The following KIF26B variants were observed in gnomAD, a reference collection of about 807,000 sequenced individuals.
KIF26B encodes the protein kinesin family member 26B, also known as kinesin-like protein KIF26B.
Under a neutral mutation model 151.2 loss-of-function variants are expected in KIF26B, and 63 were observed. The observed-to-expected ratio is 0.42, with a 90% CI of 0.34 to 0.51. The LOEUF is 0.51. Ranked by LOEUF, KIF26B falls within the 20% of genes least tolerant of loss-of-function variation. The pLI is 0.07. For missense variants in KIF26B, 2,813 were observed against 2,913.6 expected (o/e 0.97, Z 0.79); for synonymous variants, 1,357 against 1,262.1 (o/e 1.08, Z -1.59).
chr1:245,221,123 G>GT (rs536152881), intron 2 of KIF26B, among the ~76,000 whole-genome samples: 25 of 151,330 alleles, frequency 1.7e-4, no homozygotes, highest in African/African-American at 5.3e-4. Flanking sequence ...TGGGAAATGA[G>GT]TTTTTTTTTC....
intron 8 of KIF26B, among the ~76,000 whole-genome samples, chr1:245,611,229 T>C (rs2043517984): frequency 6.6e-6 from 1 of 152,244 alleles, no homozygotes. Context: ...ACTGGTTTCT[T>C]ATTTATAACT....
intron 9 of KIF26B, among the ~76,000 whole-genome samples, chr1:245,643,990 C>G (rs1031929593): frequency 5.3e-5 from 8 of 151,996 alleles, no homozygotes; most frequent in African/African-American, 1.9e-4. Context: ...TTCCTTTGTG[C>G]TTGGGGCTCA....
At chr1:245,418,870 G>A (rs1658389876) in intron 3 of KIF26B, among the ~76,000 whole-genome samples, 1 of 152,102 alleles carries the variant, frequency 6.6e-6, no homozygotes, top group South Asian at 2.1e-4. Flanking sequence ...TTATTACGTA[G>A]ATTTAGGCAA....
intron 4 of KIF26B, among the ~76,000 whole-genome samples, chr1:245,518,688 A>G (rs1000614524): frequency 1.3e-5 from 2 of 152,216 alleles, no homozygotes; most frequent in African/African-American, 4.8e-5. Context: ...AAATACTGAT[A>G]AGCCTTCTAA....
chr1:245,443,594 C>T (rs111860504), intron 4 of KIF26B, among the ~76,000 whole-genome samples: 145 of 52,362 alleles, frequency 2.8e-3, no homozygotes, highest in African/African-American at 4.3e-3. Flanking sequence ...TCTCCCTCAC[C>T]GTTCACCTAG....
rs756084219 is a variant in KIF26B, at chr1:245,687,215, C to T, written c.4232C>T (p.Thr1411Ile). The T allele has an allele frequency of 6.2e-7, 1 of 1,612,900 alleles. No individual in the cohort carries two copies. The highest frequency in any genetic ancestry group is 2.2e-5 in the East Asian group (1 of 44,866). ...AACATCCAAGAGCCGGAGGCCCCCACCGCCACCCCCAAAGCAGGCCCCACA... is the reference window on the plus strand; with the variant it reads ...AACATCCAAGAGCCGGAGGCCCCCATCGCCACCCCCAAAGCAGGCCCCACA... The part of the protein sequence containing the change: ...PRNIQEPEAP[T>I]ATPKAGPTLA... Residue 1411 changes from threonine to isoleucine, a missense_variant, in exon 12 of 15, where the codon ACC becomes ATC. Thr to Ile is a moderately conservative substitution (Grantham distance 89, BLOSUM62 -1). Around this residue, in one of 3 missense-constraint regions of KIF26B, gnomAD observed 2,060 missense variants for 2,088.6 expected, o/e 0.99. Transcript: ENST00000407071. This position sits in a 1 kb window ranked among gnomAD's most constrained non-coding sequence, Gnocchi z 4.9.
At chr1:245,339,236 C>T (rs1348060617) in intron 2 of KIF26B, among the ~76,000 whole-genome samples, 1 of 152,158 alleles carries the variant, frequency 6.6e-6, no homozygotes, top group Non-Finnish European at 1.5e-5. Context: ...CCTCAGCCTC[C>T]CAAAGTGCTG....
At chr1:245,559,278 C>T (rs933515694) in intron 5 of KIF26B, among the ~76,000 whole-genome samples, 9 of 152,274 alleles carry the variant, frequency 5.9e-5, no homozygotes, top group East Asian at 1.9e-4. Flanking sequence ...GTCTAAGCTC[C>T]GGTGAGCCTG....
chr1:245,419,558 C>T (rs771159072), intron 3 of KIF26B, 21 bp from the exon 4 acceptor site: 20 of 1,598,794 alleles, frequency 1.3e-5, no homozygotes, highest in East Asian at 6.8e-5. Context: ...TAATGAGCTC[C>T]GTATCCATTT....
intron 2 of KIF26B, among the ~76,000 whole-genome samples, chr1:245,175,965 T>G (rs1172968958): frequency 1.4e-5 from 2 of 145,852 alleles, no homozygotes; most frequent in Non-Finnish European, 3.0e-5. Flanking sequence ...TATATCTATA[T>G]ATATAGACAT....
rs554845900 is a variant in KIF26B at position 245,563,134 on chromosome 1, G to A, written c.1350+22184G>A. ...GGTCACTAGTCAATGATTCTGAAAT[G>A]AGTCTATTGAAGGTGGAAACCAGCA... On this transcript the variant is annotated intron_variant, in intron 5 of 14. Transcript: ENST00000407071. This position sits in a 1 kb window ranked among gnomAD's most constrained non-coding sequence, Gnocchi z 4.6. Among the ~76,000 whole-genome samples, 7 of 152,306 alleles carry A rather than the reference G, an allele frequency of 4.6e-5. No individual in the cohort carries two copies. The East Asian group carries it at 1.4e-3, about 29-fold the overall frequency.
rs1240545204 is a variant in KIF26B at position 245,688,798 on chromosome 1, T to C, written c.5815T>C (p.Ser1939Pro). ...GAGCCTCAAGACCCCGAAGAAACGCTCCAATCCAGGTAGGCGGCTGGGCGC... is the reference window on the plus strand; with the variant it reads ...GAGCCTCAAGACCCCGAAGAAACGCCCCAATCCAGGTAGGCGGCTGGGCGC... Reference protein sequence around the residue: ...CRSLKTPKKRSNPGSQRRRLI... With the variant: ...CRSLKTPKKRPNPGSQRRRLI... The change falls in exon 12 of 15, where the codon TCC becomes CCC. Residue 1939 changes from serine (S) to proline (P), a missense_variant. Transcript: ENST00000407071. 3 of 1,578,154 alleles carry C rather than the reference T, an allele frequency of 1.9e-6. No homozygotes were observed. In the South Asian group the frequency reaches 3.5e-5, roughly 18 times the overall value.
intron 5 of KIF26B, among the ~76,000 whole-genome samples, chr1:245,575,140 C>A (rs939665791): frequency 1.3e-5 from 2 of 150,284 alleles, no homozygotes; most frequent in Admixed American, 1.3e-4. Flanking sequence ...ACTGGGATTA[C>A]AGGCTCAAGC....
Position 245,687,518 on chromosome 1 carries a change from G to A in KIF26B, c.4535G>A (p.Gly1512Glu). 1.9e-6 allele frequency: 3 copies of A among 1,574,198 alleles called. No homozygotes were observed. The highest frequency in any genetic ancestry group is 2.6e-6 in the Non-Finnish European group (3 of 1,160,268). Residue 1512 changes from glycine to glutamate, a missense_variant, in exon 12 of 15, where the codon GGG (glycine) becomes GAG (glutamate). By Grantham distance (98) the Gly-to-Glu change is moderately conservative. Around this residue, in one of 3 missense-constraint regions of KIF26B, gnomAD observed 2,060 missense variants for 2,088.6 expected, o/e 0.99. Coordinates refer to ENST00000407071, the MANE Select transcript of KIF26B (RefSeq NM_018012.4). The surrounding 1 kb of genome is among the most constrained non-coding windows in gnomAD (Gnocchi z 4.9). ...GACAACTTCAGGAGGGTCGTGGATGGGTGTGAGATGGCCCTGCCCGGTTTG... is the reference window on the plus strand; with the variant it reads ...GACAACTTCAGGAGGGTCGTGGATGAGTGTGAGATGGCCCTGCCCGGTTTG... ...VTDNFRRVVD[G>E]CEMALPGLAT...
chr1:245,313,531 G>A (rs994114442), intron 2 of KIF26B, among the ~76,000 whole-genome samples: 6 of 152,190 alleles, frequency 3.9e-5, no homozygotes, highest in Non-Finnish European at 7.3e-5. Context: ...GTAAGAAGGG[G>A]AGAAGACCCG....
In KIF26B at chr1:245,563,176, C is replaced by T. The variant is rs1029108979; in HGVS notation, c.1350+22226C>T. Among the ~76,000 whole-genome samples the T allele has an allele frequency of 1.3e-5, 2 of 152,160 alleles. No individual in the cohort carries two copies. Among genetic ancestry groups the T allele is most frequent in the African/African-American group, 2.4e-5 (1 of 41,424 alleles). ...AAACCAGCACAATTCAAATGCTTTG[C>T]GTTAAATGCCAGTCAGTGTCTCTTC... On this transcript the variant is annotated intron_variant, in intron 5 of 14. Coordinates refer to ENST00000407071, the MANE Select transcript of KIF26B (RefSeq NM_018012.4). This position sits in a 1 kb window ranked among gnomAD's most constrained non-coding sequence, Gnocchi z 4.6.
intron 5 of KIF26B, among the ~76,000 whole-genome samples, chr1:245,586,332 A>G (rs535064637): frequency 6.6e-6 from 1 of 152,144 alleles, no homozygotes; most frequent in Non-Finnish European, 1.5e-5. Flanking sequence ...AACTAACTTC[A>G]TAACACTCCA....
intron 10 of KIF26B, among the ~76,000 whole-genome samples, chr1:245,669,406 G>A (rs1027950584): frequency 1.3e-5 from 2 of 152,196 alleles, no homozygotes; most frequent in African/African-American, 4.8e-5. Context: ...ACAACCTATA[G>A]AATGGGAGAA....
chr1:245,159,155 G>A (rs193072421), intron 2 of KIF26B, among the ~76,000 whole-genome samples: 1 of 152,218 alleles, frequency 6.6e-6, no homozygotes. Flanking sequence ...GTAAGAGTCT[G>A]GAAGATAAAG....
Sources: gnomAD v4.1 joint callset for allele counts (sites outside exome capture counted in the v4.1 genomes callset) on GRCh38, gnomAD v4.1.1 for gene constraint, gnomAD v4.1.1 regional missense constraint, Gnocchi (gnomAD v3.1) non-coding constraint, MANE v1.5 for transcripts, NCBI Gene and HGNC (gene_info 2026-07-23, HGNC 2026-07-21) for gene names.